DNAH12: variants seen among roughly 807,000 people sequenced by gnomAD.
DNAH12 encodes dynein axonemal heavy chain 12, also known as axonemal beta dynein heavy chain 12.
DNAH12 carries 285 observed loss-of-function variants against 371.5 expected under a neutral mutation model. That is an observed-to-expected ratio of 0.77 (90% CI 0.70 to 0.85). The LOEUF (loss-of-function observed/expected upper bound fraction) is 0.85, where lower values mean the gene tolerates loss of function less well. Among genes scored for constraint, DNAH12 ranks in the 40% least tolerant of loss-of-function variants. The probability of loss-of-function intolerance (pLI) is 0.00; values close to 1 mark genes in which losing one functional copy is unlikely to be tolerated. For synonymous variants in DNAH12, 1,200 were observed against 1,213.0 expected (o/e 0.99, Z 0.22); for missense variants, 3,611 against 3,689.4 (o/e 0.98, Z 0.55).
At chr3:57,545,937 G>A (rs935312326), upstream of DNAH12, among the ~76,000 whole-genome samples, 2 of 152,166 alleles carry the variant, frequency 1.3e-5, no homozygotes, top group African/African-American at 4.8e-5. Context: ...GGCACAGTGG[G>A]CTCCAGTAGG....
At chr3:57,339,982 G>C (rs2062353539) in intron 60 of DNAH12, among the ~76,000 whole-genome samples, 1 of 151,822 alleles carries the variant, frequency 6.6e-6, no homozygotes, top group African/African-American at 2.4e-5. Flanking sequence ...GATATGGGAG[G>C]ATTGCTTGAG....
At chr3:57,353,501 C>T (rs1305761281) in intron 59 of DNAH12, among the ~76,000 whole-genome samples, 2 of 151,976 alleles carry the variant, frequency 1.3e-5, no homozygotes, top group Admixed American at 1.3e-4. Flanking sequence ...CACTATGTTG[C>T]CCAGGCTGTC....
At position 57,351,587 on chromosome 3, in the gene DNAH12, T is replaced by C. The variant is rs535238619; in HGVS notation, c.9674+498A>G. ...AATACTGTAAAGCAGTCAAAACAAATGAACTAGCCTCATGCTACCACATGG... is the reference window on the plus strand; with the variant it reads ...AATACTGTAAAGCAGTCAAAACAAACGAACTAGCCTCATGCTACCACATGG... On this transcript the variant is annotated intron_variant, in intron 60 of 73. Transcript: ENST00000495027. Among the ~76,000 whole-genome samples, 102 of 152,228 alleles carry C rather than the reference T, an allele frequency of 6.7e-4. No individual in the cohort carries two copies. In the South Asian group the frequency reaches 7.9e-3, roughly 12 times the overall value.
At chr3:57,383,180 G>T (rs1226080393) in intron 49 of DNAH12, among the ~76,000 whole-genome samples, 1 of 152,068 alleles carries the variant, frequency 6.6e-6, no homozygotes, top group African/African-American at 2.4e-5. Context: ...GCTCAGCCTG[G>T]GATCTGATTC....
chr3:57,526,232 C>T (rs2068641159), intron 2 of DNAH12, among the ~76,000 whole-genome samples: 1 of 152,152 alleles, frequency 6.6e-6, no homozygotes. Flanking sequence ...TTAGTGCCCA[C>T]AGATAAGTGA....
chr3:57,480,283 C>A (rs1192098179), intron 13 of DNAH12, among the ~76,000 whole-genome samples: 1 of 152,164 alleles, frequency 6.6e-6, no homozygotes, highest in African/African-American at 2.4e-5. Context: ...TCAGAGAATA[C>A]TATAAACACC....
chr3:57,391,677 T>G (rs2153347237), intron 45 of DNAH12, among the ~76,000 whole-genome samples, 195 bp downstream of exon 45: 1 of 152,346 alleles, frequency 6.6e-6, no homozygotes, highest in East Asian at 1.9e-4. Flanking sequence ...TTTTTCTGTC[T>G]TCCAGTCTAC....
intron 60 of DNAH12, among the ~76,000 whole-genome samples, chr3:57,339,231 AAACACTGCGG>A (rs2062328214): frequency 6.6e-6 from 1 of 152,212 alleles, no homozygotes; most frequent in African/African-American, 2.4e-5. Flanking sequence ...CCAGGGACAC[AAACACTGCGG>A]AAGGCCGCAG....
chr3:57,405,104 A>G lies in DNAH12; in HGVS notation c.6620T>C (p.Met2207Thr), dbSNP rs1553680620. ...ATCATCTCCTTCAAGGTCAGGATTC[A>G]TATAATCACCAAACATGAGATTTCT... Reference protein sequence around the residue: ...DLRNLMFGDYMNPDLEGDDRV... With the variant: ...DLRNLMFGDYTNPDLEGDDRV... Residue 2207 changes from methionine to threonine, a missense_variant, in exon 42 of 74, where the codon ATG becomes ACG. Met to Thr is a moderately conservative substitution (Grantham distance 81). Around this residue, in one of 3 missense-constraint regions of DNAH12, gnomAD observed 2,266 missense variants for 2,236.9 expected, o/e 1.01. Transcript: ENST00000495027. 4 of 1,540,986 alleles carry G rather than the reference A, an allele frequency of 2.6e-6. No homozygotes were observed. In the Admixed American group the frequency reaches 6.2e-5, roughly 24 times the overall value.
intron 69 of DNAH12, among the ~76,000 whole-genome samples, chr3:57,302,891 G>A (rs2061391025): frequency 1.3e-5 from 2 of 151,144 alleles, no homozygotes; most frequent in African/African-American, 4.9e-5. Flanking sequence ...GCAGAAAAAT[G>A]ACAAAAGATG....
chr3:57,487,334 G>GGAGA (rs1465707173), intron 12 of DNAH12, among the ~76,000 whole-genome samples: 1 of 112,508 alleles, frequency 8.9e-6, no homozygotes, highest in African/African-American at 3.6e-5. Context: ...AGGGAGGGAG[G>GGAGA]GAGGGAGGGA....
intron 38 of DNAH12, 141 bp downstream of exon 38, chr3:57,415,285 A>G: frequency 3.4e-6 from 4 of 1,176,042 alleles, no homozygotes; most frequent in South Asian, 1.6e-5. Flanking sequence ...CATTAATTCC[A>G]AAAACTTGTA....
At position 57,453,408 on chromosome 3, in the gene DNAH12, A is replaced by G. The variant is rs2065813557; in HGVS notation, c.3457-5T>C. 1 of 1,518,140 alleles carries G rather than the reference A, an allele frequency of 6.6e-7. No individual in the cohort carries two copies. The highest frequency in any genetic ancestry group is 8.8e-7 in the Non-Finnish European group (1 of 1,136,638). The allele number at this position is 1,518,140 out of a possible 1,614,324, so 94.0% of individuals were successfully genotyped here. A position where few individuals can be genotyped will look rare whatever the true frequency, so the allele number is the denominator to read the frequency against. On this transcript the variant is annotated splice_polypyrimidine_tract_variant and splice_region_variant and intron_variant, in intron 23 of 73. Coordinates refer to ENST00000495027, the MANE Select transcript of DNAH12 (RefSeq NM_001366028.2). ...CTTATAATACTTCTTTAATCCCTAC[A>G]AAATAAAAAAAAAAGCAATCTAATT...
chr3:57,453,039 G>A, intron 24 of DNAH12, 24 bp from the exon 25 acceptor site: 1 of 1,528,624 alleles, frequency 6.5e-7, no homozygotes, highest in Non-Finnish European at 8.8e-7. Flanking sequence ...AGTAAAATAA[G>A]ACACATGATC....
chr3:57,504,038 T>C lies in DNAH12; in HGVS notation c.1064A>G (p.Glu355Gly). The C allele has an allele frequency of 2.5e-6, 4 of 1,613,074 alleles. No individual in the cohort carries two copies. The highest frequency in any genetic ancestry group is 3.4e-6 in the Non-Finnish European group (4 of 1,179,364). Residue 355 changes from glutamate to glycine, a missense_variant, in exon 9 of 74, where the codon GAA becomes GGA. Transcript: ENST00000495027. Reference sequence around the variant, plus strand: ...TACCTGCAGAGCTTCGGCTATTCGTTCCACCAAACTCAAGACATTATCTTC... The same window carrying C: ...TACCTGCAGAGCTTCGGCTATTCGTCCCACCAAACTCAAGACATTATCTTC... ...DLEDNVLSLV[E>G]RIAEALQNVQ...
chr3:57,355,867 T>C (rs2062785435), intron 59 of DNAH12, among the ~76,000 whole-genome samples: 1 of 152,298 alleles, frequency 6.6e-6, no homozygotes, highest in African/African-American at 2.4e-5. Context: ...GTATTTTTAT[T>C]TTACTTAACA....
At chr3:57,478,326 G>A (rs1027638184) in intron 13 of DNAH12, among the ~76,000 whole-genome samples, 29 of 152,314 alleles carry the variant, frequency 1.9e-4, no homozygotes, top group African/African-American at 7.0e-4. Flanking sequence ...GGGTATCAGT[G>A]ATGGAAGATC....
At position 57,453,078 on chromosome 3, in the gene DNAH12, T is replaced by C. The variant is rs1424144647; in HGVS notation, c.3614-63A>G. The C allele has an allele frequency of 4.7e-6, 7 of 1,485,304 alleles. No individual in the cohort carries two copies. In the African/African-American group the frequency reaches 1.0e-4, roughly 21 times the overall value. The allele number at this position is 1,485,304 out of a possible 1,614,324, so 92.0% of individuals were successfully genotyped here. On this transcript the variant is annotated intron_variant, in intron 24 of 73. Coordinates refer to ENST00000495027, the MANE Select transcript of DNAH12 (RefSeq NM_001366028.2). ...AAATGGAAATAATTTTAAAAAGAAG[T>C]ATTTTATCTTTTATAACAGCAAATA...
intron 6 of DNAH12, 122 bp from the exon 7 acceptor site, chr3:57,508,662 C>CAA (rs1202659151): frequency 8.1e-6 from 9 of 1,115,348 alleles, no homozygotes; most frequent in Non-Finnish European, 7.4e-6. Context: ...GAAGAGGGAG[C>CAA]TGTGGTCAGC....
Sources: gnomAD v4.1 joint callset for allele counts (sites outside exome capture counted in the v4.1 genomes callset) on GRCh38, gnomAD v4.1.1 for gene constraint, gnomAD v4.1.1 regional missense constraint, MANE v1.5 for transcripts, NCBI Gene and HGNC (gene_info 2026-07-23, HGNC 2026-07-21) for gene names.